FOXJ3: variants seen among roughly 807,000 people sequenced by gnomAD.
The protein encoded by FOXJ3 is forkhead box protein J3.
FOXJ3 carries 22 observed loss-of-function variants against 76.1 expected under a neutral mutation model. The ratio of observed to expected loss-of-function variants is 0.29; its 90% confidence interval spans 0.21 to 0.41. The LOEUF (loss-of-function observed/expected upper bound fraction) is 0.41, where lower values mean the gene tolerates loss of function less well. FOXJ3 is among the 10% of genes least tolerant of loss of function. The probability of loss-of-function intolerance (pLI) is 1.00; values close to 1 mark genes in which losing one functional copy is unlikely to be tolerated. For missense variants in FOXJ3, 613 were observed against 762.1 expected, an observed-to-expected ratio of 0.80 and a Z score of 2.30; for synonymous variants, 269 against 261.2, an observed-to-expected ratio of 1.03 and a Z score of -0.29.
At chr1:42,289,422 T>A (rs1653274686) in intron 2 of FOXJ3, among the ~76,000 whole-genome samples, 1 of 152,148 alleles carries the variant, frequency 6.6e-6, no homozygotes, top group South Asian at 2.1e-4. Flanking sequence ...TAGCATACAG[T>A]GAATGCTTGG....
At chr1:42,262,352 T>C (rs763580773) in intron 4 of FOXJ3, among the ~76,000 whole-genome samples, 5 of 152,244 alleles carry the variant, frequency 3.3e-5, no homozygotes, top group Non-Finnish European at 7.3e-5. Flanking sequence ...CCTCATCTAC[T>C]GGCCTTAGTT....
chr1:42,281,817 G>C (rs1443518392), intron 2 of FOXJ3, among the ~76,000 whole-genome samples: 1 of 152,178 alleles, frequency 6.6e-6, no homozygotes, highest in East Asian at 1.9e-4. Context: ...CCAACACTTT[G>C]GGAGGCCGAG....
At chr1:42,207,024 T>G (rs1168429449) in intron 5 of FOXJ3, among the ~76,000 whole-genome samples, 1 of 151,998 alleles carries the variant, frequency 6.6e-6, no homozygotes, top group Non-Finnish European at 1.5e-5. Context: ...AGAGACAGGG[T>G]TCACCATGTT....
At chr1:42,207,113 T>C (rs562817548) in intron 5 of FOXJ3, among the ~76,000 whole-genome samples, 1 of 152,098 alleles carries the variant, frequency 6.6e-6, no homozygotes, top group Non-Finnish European at 1.5e-5. Context: ...AGGTGTTGAG[T>C]CATCATGCCC....
At chr1:42,285,198 C>A (rs945553509) in intron 2 of FOXJ3, among the ~76,000 whole-genome samples, 2 of 152,040 alleles carry the variant, frequency 1.3e-5, no homozygotes, top group Non-Finnish European at 2.9e-5. Context: ...TGGTTTGCTG[C>A]ACAGATCAAA....
chr1:42,196,608 G>A (rs1209764610), intron 7 of FOXJ3, among the ~76,000 whole-genome samples: 1 of 152,118 alleles, frequency 6.6e-6, no homozygotes, highest in Non-Finnish European at 1.5e-5. Context: ...CAAGAGAATC[G>A]CTTGAATCTG....
At chr1:42,269,539 C>T (rs1651717533) in intron 3 of FOXJ3, among the ~76,000 whole-genome samples, 1 of 152,166 alleles carries the variant, frequency 6.6e-6, no homozygotes, top group Admixed American at 6.6e-5. Context: ...TTAAATCTGT[C>T]TAGATCCAGC....
intron 1 of FOXJ3, among the ~76,000 whole-genome samples, chr1:42,331,311 G>A (rs1344803590): frequency 6.6e-6 from 1 of 152,048 alleles, no homozygotes; most frequent in Non-Finnish European, 1.5e-5. Context: ...GAACCTGGGA[G>A]GCAGAGGTTG....
intron 1 of FOXJ3, among the ~76,000 whole-genome samples, chr1:42,331,823 CT>C (rs34581942): frequency 0.64 from 95,703 of 148,432 alleles, 31,217 homozygotes; most frequent in Admixed American, 0.76. Context: ...TTCAAGAAAG[CT>C]TTTTTAAAAA....
At chr1:42,205,946 C>A in intron 5 of FOXJ3, 83 bp from the exon 6 acceptor site, 1 of 722,542 alleles carries the variant, frequency 1.4e-6, no homozygotes, top group African/African-American at 1.8e-5. Flanking sequence ...TCATCAAATT[C>A]TTGAACATCC....
chr1:42,244,023 G>A (rs1279457214), intron 4 of FOXJ3, among the ~76,000 whole-genome samples: 3 of 152,048 alleles, frequency 2.0e-5, no homozygotes, highest in Non-Finnish European at 4.4e-5. Flanking sequence ...AGGAACTTTG[G>A]AAACTCTACA....
intron 5 of FOXJ3, among the ~76,000 whole-genome samples, chr1:42,210,871 C>G (rs1292999000): frequency 6.6e-6 from 1 of 152,120 alleles, no homozygotes; most frequent in Non-Finnish European, 1.5e-5. Flanking sequence ...AGCAGCTACA[C>G]CCAGAAGAGC....
rs112821227 is a variant in FOXJ3 at position 42,181,812 on chromosome 1, G to GAC, written c.1753+103_1753+104dup. The GAC allele has an allele frequency of 7.8e-3, 4,722 of 605,870 alleles. 52 individuals carry two copies. The highest frequency in any genetic ancestry group is 0.045 in the African/African-American group (2,289 of 51,318). 37.5% of individuals were successfully genotyped at this position (605,870 alleles called of 1,614,324 possible). A position where few individuals can be genotyped will look rare whatever the true frequency, so the allele number is the denominator to read the frequency against. ...CAATATTAAACTCTGGGTAATAACT[G>GAC]ACACACACACACACACTCTCTCTCT... On this transcript the variant is annotated intron_variant, in intron 12 of 12. Transcript: ENST00000361346.
intron 2 of FOXJ3, among the ~76,000 whole-genome samples, chr1:42,295,590 G>A (rs1367817662): frequency 1.4e-5 from 2 of 144,766 alleles, no homozygotes; most frequent in African/African-American, 5.1e-5. Flanking sequence ...ATGCAGTGGC[G>A]CAATCTTGGC....
intron 4 of FOXJ3, among the ~76,000 whole-genome samples, chr1:42,261,777 T>C (rs1030010274): frequency 1.2e-4 from 19 of 152,114 alleles, no homozygotes; most frequent in Non-Finnish European, 2.1e-4. Flanking sequence ...CAAAATCTAC[T>C]CCCACCCCAA....
intron 2 of FOXJ3, among the ~76,000 whole-genome samples, chr1:42,284,614 A>G (rs1040343465): frequency 3.9e-5 from 6 of 152,236 alleles, no homozygotes; most frequent in Admixed American, 1.3e-4. Flanking sequence ...TGTACCTACA[A>G]AACTACAGCA....
intron 1 of FOXJ3, among the ~76,000 whole-genome samples, chr1:42,326,325 T>C (rs1416265566): frequency 6.6e-6 from 1 of 152,198 alleles, no homozygotes; most frequent in African/African-American, 2.4e-5. Flanking sequence ...TACGTTTTCT[T>C]TGAGTACAAA....
chr1:42,242,323 A>G (rs1158845149), intron 4 of FOXJ3, among the ~76,000 whole-genome samples: 1 of 152,134 alleles, frequency 6.6e-6, no homozygotes, highest in Non-Finnish European at 1.5e-5. Context: ...AAAGAAGCTC[A>G]GTGAGATACA....
chr1:42,189,841 G>T, intron 9 of FOXJ3: 1 of 157,314 alleles, frequency 6.4e-6, no homozygotes, highest in Non-Finnish European at 1.4e-5. Context: ...GTCTTCTTAT[G>T]ACCTTAAAAA....
Sources: gnomAD v4.1 joint callset for allele counts (sites outside exome capture counted in the v4.1 genomes callset) on GRCh38, gnomAD v4.1.1 for gene constraint, MANE v1.5 for transcripts, NCBI Gene and HGNC (gene_info 2026-07-23, HGNC 2026-07-21) for gene names.